Variants in SORCS1 observed in about 807,000 individuals in gnomAD.
SORCS1 encodes the protein VPS10 domain-containing receptor SorCS1.
SORCS1 carries 60 observed loss-of-function variants against 146.1 expected under a neutral mutation model. The observed-to-expected ratio is 0.41, with a 90% CI of 0.33 to 0.51. The LOEUF is 0.51. Ranked by LOEUF, SORCS1 falls within the 20% of genes least tolerant of loss-of-function variation. The probability of loss-of-function intolerance (pLI) is 0.21; values close to 1 mark genes in which losing one functional copy is unlikely to be tolerated. For missense variants in SORCS1, 1,352 were observed against 1,487.6 expected, an observed-to-expected ratio of 0.91 and a Z score of 1.50; for synonymous variants, 637 against 584.0, an observed-to-expected ratio of 1.09 and a Z score of -1.31.
At chr10:106,725,276 G>A (rs575242790) in intron 6 of SORCS1, among the ~76,000 whole-genome samples, 8 of 152,226 alleles carry the variant, frequency 5.3e-5, no homozygotes, top group African/African-American at 1.7e-4. Context: ...GGGGTCGGGC[G>A]CAGTGGCTCA....
chr10:106,580,560 A>G (rs1844844444), intron 24 of SORCS1, among the ~76,000 whole-genome samples: 1 of 152,188 alleles, frequency 6.6e-6, no homozygotes, highest in African/African-American at 2.4e-5. Context: ...CTTGGTGCTG[A>G]CCTTTACCTT....
chr10:106,755,990 A>G (rs891881892), intron 5 of SORCS1, among the ~76,000 whole-genome samples: 1 of 152,062 alleles, frequency 6.6e-6, no homozygotes, highest in African/African-American at 2.4e-5. Context: ...TTAGCCAGGC[A>G]TGGTGGCCTG....
intron 9 of SORCS1, among the ~76,000 whole-genome samples, chr10:106,694,657 T>C (rs1442850105): frequency 6.6e-6 from 1 of 152,226 alleles, no homozygotes; most frequent in East Asian, 1.9e-4. Context: ...AAAATCAAGA[T>C]GTATGCTATA....
intron 24 of SORCS1, among the ~76,000 whole-genome samples, chr10:106,591,197 T>C (rs151141928): frequency 1.9e-4 from 29 of 152,284 alleles, no homozygotes; most frequent in South Asian, 4.1e-4. Context: ...TCAGTCTCTT[T>C]TGGTAACAGT....
At chr10:107,167,720 G>A (rs1970084804), upstream of SORCS1, among the ~76,000 whole-genome samples, 1 of 151,874 alleles carries the variant, frequency 6.6e-6, no homozygotes, top group African/African-American at 2.4e-5. Context: ...ATTTAGCCTT[G>A]CTAAAATATT....
At chr10:106,905,050 T>C (rs1302102975) in intron 2 of SORCS1, among the ~76,000 whole-genome samples, 1 of 152,020 alleles carries the variant, frequency 6.6e-6, no homozygotes, top group African/African-American at 2.4e-5. Context: ...AATACTTTCA[T>C]AATAAAGTTA....
At position 106,677,356 on chromosome 10, in the gene SORCS1, G is replaced by A. The variant is rs1490550952; in HGVS notation, c.1789C>T (p.Leu597=). 1 of 1,613,944 alleles carries A rather than the reference G, an allele frequency of 6.2e-7. No individual in the cohort carries two copies. The highest frequency in any genetic ancestry group is 8.5e-7 in the Non-Finnish European group (1 of 1,179,888). Residue 597 remains leucine, a synonymous_variant, in exon 13 of 26, where the codon CTG becomes TTG. Transcript: ENST00000263054. ...SVLYLDQGGV[L]VAMKHTSLPI... ...AGAGATGTGTGTTTCATAGCAACCA[G>A]GACTCCACCTTGATCCAGGTACAAA...
At chr10:107,141,963 T>C (rs541739746) in intron 1 of SORCS1, among the ~76,000 whole-genome samples, 1 of 152,316 alleles carries the variant, frequency 6.6e-6, no homozygotes, top group East Asian at 1.9e-4. Context: ...AAGCAGTTCT[T>C]GGCAATTTAA....
chr10:106,800,674 G>C (rs1034312680), intron 3 of SORCS1, among the ~76,000 whole-genome samples: 1 of 151,600 alleles, frequency 6.6e-6, no homozygotes, highest in Admixed American at 6.6e-5. Context: ...GGCGCACACC[G>C]CCACACCCAG....
chr10:107,084,475 G>A (rs538124082), intron 1 of SORCS1, among the ~76,000 whole-genome samples: 10 of 151,922 alleles, frequency 6.6e-5, no homozygotes, highest in African/African-American at 2.4e-4. Flanking sequence ...TTTAAGCCAC[G>A]GTATGTATAA....
chr10:107,024,319 G>A (rs1188781286), intron 1 of SORCS1, among the ~76,000 whole-genome samples: 1 of 152,112 alleles, frequency 6.6e-6, no homozygotes, highest in African/African-American at 2.4e-5. Context: ...GCTGGTGTGT[G>A]CAGATCCCAT....
intron 2 of SORCS1, among the ~76,000 whole-genome samples, chr10:106,849,783 T>G (rs1009960091): frequency 4.6e-5 from 7 of 151,636 alleles, no homozygotes; most frequent in East Asian, 2.0e-4. Context: ...GTCCTTTCTG[T>G]TTGTTAGTTT....
At chr10:107,150,828 A>G (rs1041787827) in intron 1 of SORCS1, among the ~76,000 whole-genome samples, 2 of 152,178 alleles carry the variant, frequency 1.3e-5, no homozygotes, top group African/African-American at 4.8e-5. Context: ...CATGTGAAGA[A>G]GGAGGTGTTT....
intron 18 of SORCS1, among the ~76,000 whole-genome samples, chr10:106,650,139 A>G (rs564016382): frequency 6.6e-6 from 1 of 152,332 alleles, no homozygotes; most frequent in East Asian, 1.9e-4. Flanking sequence ...CCAACATTTT[A>G]TATGAAAAAT....
chr10:106,603,084 A>T (rs1846349519), intron 23 of SORCS1, among the ~76,000 whole-genome samples: 1 of 152,118 alleles, frequency 6.6e-6, no homozygotes, highest in Admixed American at 6.5e-5. Context: ...GGATCCTGAA[A>T]GACAACACAC....
intron 22 of SORCS1, among the ~76,000 whole-genome samples, chr10:106,611,133 G>A (rs745796526): frequency 6.6e-6 from 1 of 151,964 alleles, no homozygotes; most frequent in Admixed American, 6.6e-5. Flanking sequence ...CTAAAAGAAG[G>A]TGTCTTCTCT....
At chr10:106,812,572 T>G (rs567348973) in intron 3 of SORCS1, among the ~76,000 whole-genome samples, 18 of 152,354 alleles carry the variant, frequency 1.2e-4, no homozygotes, top group South Asian at 2.1e-4. Context: ...TCTTTCCCTG[T>G]GGTAGTTCTA....
Position 107,055,377 on chromosome 10 carries a change from T to TTAAG in SORCS1, c.559-98798_559-98797insCTTA, listed in dbSNP as rs202030961. The stretch of plus-strand genomic sequence containing the variant: ...AGGAATAGATAGTGAGTTTAAGTTA[T>TTAAG]ACAGGCAGGACTTAATACATGTCCA... On this transcript the variant is annotated intron_variant, in intron 1 of 25. Coordinates refer to ENST00000263054, the MANE Select transcript of SORCS1 (RefSeq NM_052918.5). 7.8e-3 allele frequency among the ~76,000 whole-genome samples: 1,192 copies of TTAAG among 152,364 alleles called. 14 individuals carry two copies. Among genetic ancestry groups the TTAAG allele is most frequent in the African/African-American group, 0.027 (1,116 of 41,582 alleles).
chr10:106,680,813 G>C lies in SORCS1; in HGVS notation c.1561-1079C>G, dbSNP rs541924476. Among the ~76,000 whole-genome samples, 58 of 152,116 alleles carry C rather than the reference G, an allele frequency of 3.8e-4. No individual in the cohort carries two copies. In the South Asian group the frequency reaches 0.012, roughly 31 times the overall value. On this transcript the variant is annotated intron_variant, in intron 10 of 25. Coordinates refer to ENST00000263054, the MANE Select transcript of SORCS1 (RefSeq NM_052918.5). The stretch of plus-strand genomic sequence containing the variant: ...GTATCTCTGTTATTACTTTTATTCT[G>C]CTCTGTAAGTTTCAGCCAGCAGACA...
Sources: allele counts gnomAD v4.1 joint callset (sites outside exome capture counted in the v4.1 genomes callset), GRCh38; gene constraint gnomAD v4.1.1; transcripts MANE v1.5; gene names NCBI Gene and HGNC (gene_info 2026-07-23, HGNC 2026-07-21).